The following COL14A1 variants were observed in gnomAD, a reference collection of about 807,000 sequenced individuals.
COL14A1 encodes the protein collagen type XIV alpha 1 chain.
Under a neutral mutation model 230.3 loss-of-function variants are expected in COL14A1, and 136 were observed. That is an observed-to-expected ratio of 0.59 (90% CI 0.51 to 0.68). The LOEUF (loss-of-function observed/expected upper bound fraction) is 0.68. Ranked by LOEUF, COL14A1 falls within the 30% of genes least tolerant of loss-of-function variation. The pLI is 0.00. For synonymous variants in COL14A1, 792 were observed against 784.1 expected, an observed-to-expected ratio of 1.01 and a Z score of -0.17; for missense variants, 1,976 against 2,215.8, an observed-to-expected ratio of 0.89 and a Z score of 2.17.
At chr8:120,216,924 C>T (rs1817769517) in intron 14 of COL14A1, among the ~76,000 whole-genome samples, 1 of 152,202 alleles carries the variant, frequency 6.6e-6, no homozygotes, top group African/African-American at 2.4e-5. Context: ...ATTAATGACC[C>T]AGCCTCTGAA....
intron 45 of COL14A1, among the ~76,000 whole-genome samples, chr8:120,350,258 A>G (rs1171808814): frequency 3.9e-5 from 6 of 151,978 alleles, no homozygotes; most frequent in Non-Finnish European, 7.4e-5. Context: ...GAAAGGAACA[A>G]CCGGTACCAG....
chr8:120,245,481 G>A (rs370934084), intron 20 of COL14A1, among the ~76,000 whole-genome samples: 1 of 152,186 alleles, frequency 6.6e-6, no homozygotes, highest in African/African-American at 2.4e-5. Context: ...GCACTGCAGA[G>A]TCATAGTTGT....
At chr8:120,342,620 C>T (rs1822345951) in intron 44 of COL14A1, among the ~76,000 whole-genome samples, 174 bp downstream of exon 44, 1 of 152,144 alleles carries the variant, frequency 6.6e-6, no homozygotes, top group Non-Finnish European at 1.5e-5. Flanking sequence ...CTGCAGATTA[C>T]CCTAGAGCTC....
intron 4 of COL14A1, among the ~76,000 whole-genome samples, chr8:120,165,369 A>G (rs1382014772): frequency 6.6e-6 from 1 of 152,234 alleles, no homozygotes; most frequent in Non-Finnish European, 1.5e-5. Context: ...AGTAAAACAT[A>G]AGAAATGATG....
At chr8:120,348,694 T>A (rs555306567) in intron 45 of COL14A1, among the ~76,000 whole-genome samples, 1 of 152,332 alleles carries the variant, frequency 6.6e-6, no homozygotes, top group South Asian at 2.1e-4. Context: ...TTTGTTTTTT[T>A]AAATTCACAA....
In COL14A1 at chr8:120,372,315, T is replaced by G. The variant is rs547231972; in HGVS notation, c.*1084T>G. On this transcript the variant is annotated 3_prime_UTR_variant, in exon 48 of 48. Coordinates refer to ENST00000297848, the MANE Select transcript of COL14A1 (RefSeq NM_021110.4). ...TGCATGACCTCTGCTAAATAAATGT[T>G]TATCAATAGTTGACTGAGGAGCCCA... 2.0e-5 allele frequency among the ~76,000 whole-genome samples: 3 copies of G among 152,184 alleles called. No individual in the cohort carries two copies. Among genetic ancestry groups the G allele is most frequent in the South Asian group, 2.1e-4 (1 of 4,832 alleles).
At position 120,305,424 on chromosome 8, in the gene COL14A1, T is replaced by C. The variant is rs1260999270; in HGVS notation, c.4402-4585T>C. ...TAAAGAAAAATGATACCAGAAGAAA[T>C]TATGACCAAAGAAATAGCAAATATA... On this transcript the variant is annotated intron_variant, in intron 36 of 47. Transcript: ENST00000297848. Among the ~76,000 whole-genome samples the C allele has an allele frequency of 3.3e-5, 5 of 152,172 alleles. No homozygotes were observed. The East Asian group carries it at 9.6e-4, about 29-fold the overall frequency.
At chr8:120,278,036 T>G (rs1017785242) in intron 26 of COL14A1, 75 bp from the exon 27 acceptor site, 9 of 1,286,308 alleles carry the variant, frequency 7.0e-6, no homozygotes, top group Non-Finnish European at 9.2e-6. Context: ...AAACTACAGG[T>G]GACACTGTGC....
chr8:120,220,668 A>G (rs556319349), intron 14 of COL14A1, among the ~76,000 whole-genome samples: 2 of 152,202 alleles, frequency 1.3e-5, no homozygotes, highest in African/African-American at 4.8e-5. Context: ...CTCCCTCTGC[A>G]TCTTTTCTGC....
At chr8:120,132,956 GCCTGTAA>G (rs1814582711) in intron 1 of COL14A1, among the ~76,000 whole-genome samples, 1 of 152,106 alleles carries the variant, frequency 6.6e-6, no homozygotes, top group African/African-American at 2.4e-5. Flanking sequence ...GGTGGCTCAC[GCCTGTAA>G]TCCCAGCACT....
intron 45 of COL14A1, among the ~76,000 whole-genome samples, chr8:120,345,940 C>G (rs968690505): frequency 6.6e-6 from 1 of 152,154 alleles, no homozygotes; most frequent in Non-Finnish European, 1.5e-5. Context: ...ACACCAATGT[C>G]AAGGCAAGCA....
chr8:120,205,751 A>G (rs1209237107), intron 9 of COL14A1, among the ~76,000 whole-genome samples: 1 of 152,172 alleles, frequency 6.6e-6, no homozygotes, highest in Admixed American at 6.5e-5. Context: ...TTTTTCCAAA[A>G]TAGTCTACAT....
At chr8:120,283,613 C>T (rs766044030) in intron 31 of COL14A1, 23 bp from the exon 32 acceptor site, 23 of 1,572,128 alleles carry the variant, frequency 1.5e-5, no homozygotes, top group Non-Finnish European at 1.7e-5. Flanking sequence ...TACAATGAAA[C>T]ATGGTTTTCT....
At chr8:120,198,178 C>A (rs1817109121) in intron 7 of COL14A1, among the ~76,000 whole-genome samples, 1 of 152,168 alleles carries the variant, frequency 6.6e-6, no homozygotes, top group African/African-American at 2.4e-5. Flanking sequence ...AGCCCTGAGA[C>A]CAACAGAGTG....
chr8:120,290,499 A>G (rs1820340423), intron 34 of COL14A1, among the ~76,000 whole-genome samples: 1 of 152,192 alleles, frequency 6.6e-6, no homozygotes, highest in Non-Finnish European at 1.5e-5. Context: ...GAGGCATTTT[A>G]TTCTTGTAAA....
intron 19 of COL14A1, among the ~76,000 whole-genome samples, chr8:120,236,737 T>C (rs977207047): frequency 6.6e-6 from 1 of 152,170 alleles, no homozygotes; most frequent in Non-Finnish European, 1.5e-5. Context: ...ATTTGGTATG[T>C]TTTTGCAGTG....
intron 33 of COL14A1, among the ~76,000 whole-genome samples, chr8:120,286,283 T>C (rs1820200353): frequency 6.6e-6 from 1 of 152,114 alleles, no homozygotes; most frequent in African/African-American, 2.4e-5. Context: ...TTAGGTGCGA[T>C]GTAGAAAAGA....
chr8:120,345,058 T>A (rs1586883893), intron 44 of COL14A1, among the ~76,000 whole-genome samples: 2 of 151,966 alleles, frequency 1.3e-5, no homozygotes, highest in South Asian at 4.2e-4. Context: ...TGGGTGAGGG[T>A]CTAGGGGTCA....
intron 24 of COL14A1, 56 bp downstream of exon 24, chr8:120,263,070 G>T (rs1347298450): frequency 6.7e-7 from 1 of 1,491,574 alleles, no homozygotes; most frequent in Non-Finnish European, 8.9e-7. Flanking sequence ...CAGAATTTCA[G>T]GCATCCTGTT....
Sources: allele counts gnomAD v4.1 joint callset (sites outside exome capture counted in the v4.1 genomes callset), GRCh38; gene constraint gnomAD v4.1.1; transcripts MANE v1.5; gene names NCBI Gene and HGNC (gene_info 2026-07-23, HGNC 2026-07-21).